The following FGD4 variants were observed in gnomAD, a reference collection of about 807,000 sequenced individuals.
The protein encoded by FGD4 is FYVE, RhoGEF and PH domain-containing protein 4.
In FGD4, 42 loss-of-function variants were observed where a neutral mutation model predicts 102.0. The observed-to-expected ratio is 0.41, with a 90% confidence interval of 0.32 to 0.53. The LOEUF is 0.53. Ranked by LOEUF, FGD4 falls within the 20% of genes least tolerant of loss-of-function variation. FGD4 has a pLI of 0.21. For missense variants in FGD4, 902 were observed against 1,078.2 expected (o/e 0.84, Z 2.29); for synonymous variants, 380 against 375.7 (o/e 1.01, Z -0.13).
intron 4 of FGD4, among the ~76,000 whole-genome samples, chr12:32,597,178 T>C (rs535202222): frequency 6.6e-6 from 1 of 152,324 alleles, no homozygotes; most frequent in South Asian, 2.1e-4. Flanking sequence ...AGGAAAGTTT[T>C]AGAAAGATCC....
intron 1 of FGD4, among the ~76,000 whole-genome samples, chr12:32,422,620 G>T (rs1272245725): frequency 1.3e-5 from 2 of 151,696 alleles, no homozygotes; most frequent in Non-Finnish European, 2.9e-5. Flanking sequence ...ATGTAGATTG[G>T]CCTAAATTTT....
intron 1 of FGD4, among the ~76,000 whole-genome samples, chr12:32,413,727 G>A (rs1941294079): frequency 2.6e-5 from 4 of 152,234 alleles, no homozygotes; most frequent in East Asian, 3.9e-4. Context: ...CACCTTGGGC[G>A]TGCTTTCTCT....
chr12:32,416,881 G>A (rs138543968), intron 1 of FGD4, among the ~76,000 whole-genome samples: 2 of 151,224 alleles, frequency 1.3e-5, no homozygotes, highest in Middle Eastern at 3.4e-3. Flanking sequence ...GCTCATTAAC[G>A]TCCTTTTCTT....
In FGD4 at chr12:32,439,040, T is replaced by C. The variant is rs151185245; in HGVS notation, c.166+39081T>C. On this transcript the variant is annotated intron_variant, in intron 1 of 16. Coordinates refer to ENST00000534526, the MANE Select transcript of FGD4 (RefSeq NM_001370298.3). ...AATTTACTAATAATTATTATAGATA[T>C]CATGTTGTACAATAGATCTATTGAA... 1.2e-3 allele frequency among the ~76,000 whole-genome samples: 178 copies of C among 152,338 alleles called. 1 individual carries two copies. Among genetic ancestry groups the C allele is most frequent in the African/African-American group, 4.0e-3 (168 of 41,576 alleles).
At chr12:32,442,265 T>G (rs555220722) in intron 1 of FGD4, among the ~76,000 whole-genome samples, 23 of 152,048 alleles carry the variant, frequency 1.5e-4, no homozygotes, top group East Asian at 7.8e-4. Context: ...GTGTTAGCCA[T>G]GATGGTCTTG....
chr12:32,462,577 T>A (rs989739203), intron 1 of FGD4, among the ~76,000 whole-genome samples: 1 of 152,058 alleles, frequency 6.6e-6, no homozygotes, highest in Non-Finnish European at 1.5e-5. Context: ...GATTTTTTTT[T>A]ATCAGAACCA....
intron 1 of FGD4, among the ~76,000 whole-genome samples, chr12:32,481,254 T>G (rs1201458868): frequency 2.0e-5 from 3 of 147,170 alleles, no homozygotes; most frequent in Admixed American, 6.8e-5. Context: ...CTGGTTAACA[T>G]GGTGAAACCC....
At chr12:32,419,550 T>A (rs1941551813) in intron 1 of FGD4, among the ~76,000 whole-genome samples, 1 of 151,404 alleles carries the variant, frequency 6.6e-6, no homozygotes, top group African/African-American at 2.4e-5. Context: ...GCAGAAGCAC[T>A]CCCTTAGTCA....
intron 4 of FGD4, among the ~76,000 whole-genome samples, chr12:32,593,710 C>T (rs2136545387): frequency 6.6e-6 from 1 of 152,320 alleles, no homozygotes. Context: ...TAACATACTC[C>T]CTGATTCATG....
intron 1 of FGD4, among the ~76,000 whole-genome samples, chr12:32,462,441 G>A (rs188201686): frequency 2.0e-3 from 297 of 152,276 alleles, no homozygotes; most frequent in Non-Finnish European, 3.6e-3. Flanking sequence ...GATTATAGGT[G>A]TGAGCCACTG....
chr12:32,545,674 C>T (rs1054362764), intron 1 of FGD4, among the ~76,000 whole-genome samples: 1 of 152,204 alleles, frequency 6.6e-6, no homozygotes, highest in Non-Finnish European at 1.5e-5. Context: ...AAGTTGGCTC[C>T]TTAAGAGTAG....
intron 5 of FGD4, 84 bp from the exon 6 acceptor site, chr12:32,601,194 C>T (rs999255364): frequency 9.1e-6 from 13 of 1,432,324 alleles, no homozygotes; most frequent in Non-Finnish European, 1.2e-5. Flanking sequence ...TAAAAAGTTA[C>T]TAAGAGCCCA....
chr12:32,454,905 G>C (rs1264152141), intron 1 of FGD4, among the ~76,000 whole-genome samples: 3 of 152,102 alleles, frequency 2.0e-5, no homozygotes, highest in African/African-American at 7.2e-5. Flanking sequence ...GAATTTTAAA[G>C]TGTTTTTTGA....
In FGD4 at chr12:32,640,811, G is replaced by A. The variant is rs1403398481; in HGVS notation, c.*278G>A. 3.4e-6 allele frequency: 2 copies of A among 596,606 alleles called. No homozygotes were observed. The highest frequency in any genetic ancestry group is 5.9e-6 in the Non-Finnish European group (2 of 337,442). 37.0% of individuals were successfully genotyped at this position (596,606 alleles called of 1,614,324 possible). A position where few individuals can be genotyped will look rare whatever the true frequency, so the allele number is the denominator to read the frequency against. Reference sequence around the variant, plus strand: ...GTCTTGAAGAAATGGTGTATCAATTGATTCTGTCACCGTCAGGTTAGAATG... The same window carrying A: ...GTCTTGAAGAAATGGTGTATCAATTAATTCTGTCACCGTCAGGTTAGAATG... On this transcript the variant is annotated 3_prime_UTR_variant, in exon 17 of 17. Coordinates refer to ENST00000534526, the MANE Select transcript of FGD4 (RefSeq NM_001370298.3).
intron 1 of FGD4, among the ~76,000 whole-genome samples, chr12:32,549,074 G>A (rs1943451649): frequency 6.6e-6 from 1 of 152,234 alleles, no homozygotes; most frequent in African/African-American, 2.4e-5. Context: ...ATAATATGTG[G>A]TGAAAAGGTT....
At chr12:32,563,208 G>T (rs1944811814) in intron 1 of FGD4, among the ~76,000 whole-genome samples, 2 of 151,904 alleles carry the variant, frequency 1.3e-5, no homozygotes, top group African/African-American at 2.4e-5. Flanking sequence ...CCCAGAGGGG[G>T]TGGCTGCCGG....
At chr12:32,611,374 G>A (rs1949123790) in intron 10 of FGD4, 91 bp downstream of exon 10, 1 of 1,468,416 alleles carries the variant, frequency 6.8e-7, no homozygotes, top group African/African-American at 1.4e-5. Context: ...CCAGCACTTT[G>A]GGAGGCCGAG....
rs375398595 is a variant in FGD4, at chr12:32,599,192, A to T, written c.1101+606A>T. On this transcript the variant is annotated intron_variant, in intron 5 of 16. Transcript: ENST00000534526. ...ATATACACTTGGAAAGTCTAAGAACATATTATAAGAATAACTTTTGGGCTG... is the reference window on the plus strand; with the variant it reads ...ATATACACTTGGAAAGTCTAAGAACTTATTATAAGAATAACTTTTGGGCTG... Among the ~76,000 whole-genome samples, 1,048 of 152,254 alleles carry T rather than the reference A, an allele frequency of 6.9e-3. 4 individuals carry two copies. The highest frequency in any genetic ancestry group is 0.011 in the Non-Finnish European group (759 of 68,024).
At position 32,414,536 on chromosome 12, in the gene FGD4, A is replaced by AT. The variant is rs201135723; in HGVS notation, c.166+14586dup. On this transcript the variant is annotated intron_variant, in intron 1 of 16. Coordinates refer to ENST00000534526, the MANE Select transcript of FGD4 (RefSeq NM_001370298.3). ...GTACTAAGTCTTACTTATTCTTTCT[A>AT]TTTTTTTTTGTACTCATTAATCATC... Among the ~76,000 whole-genome samples, 453 of 150,640 alleles carry AT rather than the reference A, an allele frequency of 3.0e-3. 4 individuals are homozygous for AT. Among genetic ancestry groups the AT allele is most frequent in the African/African-American group, 0.01 (428 of 41,040 alleles).
Sources: gnomAD v4.1 joint callset for allele counts (sites outside exome capture counted in the v4.1 genomes callset) on GRCh38, gnomAD v4.1.1 for gene constraint, MANE v1.5 for transcripts, NCBI Gene and HGNC (gene_info 2026-07-23, HGNC 2026-07-21) for gene names.